PCDHGA3: variants seen among roughly 807,000 people sequenced by gnomAD.
The protein encoded by PCDHGA3 is protocadherin gamma subfamily A, 3, also known as protocadherin gamma-A3.
In PCDHGA3, 40 loss-of-function variants were observed where a neutral mutation model predicts 58.5. The ratio of observed to expected loss-of-function variants is 0.68; its 90% CI spans 0.53 to 0.89. The LOEUF (loss-of-function observed/expected upper bound fraction) is 0.89, where lower values mean the gene tolerates loss of function less well. Ranked by LOEUF, PCDHGA3 falls within the 40% of genes least tolerant of loss-of-function variation. The pLI is 0.00. For missense variants in PCDHGA3, 1,223 were observed against 1,195.9 expected, an observed-to-expected ratio of 1.02 and a Z score of -0.33; for synonymous variants, 530 against 525.7, an observed-to-expected ratio of 1.01 and a Z score of -0.11.
In PCDHGA3 at chr5:141,485,578, G is replaced by A; in HGVS notation, c.2425-9229G>A. ...ATGATCACGCCCCCCGTTTTCCGCG[G>A]CAGCAGCTGGACTTGGAAATTGGGG... is the stretch of plus-strand genomic sequence containing the variant. On this transcript the variant is annotated intron_variant, in intron 1 of 3. Transcript: ENST00000253812. This position sits in a 1 kb window ranked among gnomAD's most constrained non-coding sequence, Gnocchi z 5.7. 6.2e-7 allele frequency: 1 copy of A among 1,612,362 alleles called. No homozygotes were observed. Among genetic ancestry groups the A allele is most frequent in the Non-Finnish European group, 8.5e-7 (1 of 1,178,688 alleles).
At chr5:141,366,879 T>G (rs78336776) in intron 1 of PCDHGA3, 22 of 1,324,822 alleles carry the variant, frequency 1.7e-5, no homozygotes, top group Admixed American at 2.5e-5. Context: ...TGGAGATTAA[T>G]TTTTTTTATA....
intron 1 of PCDHGA3, chr5:141,384,751 G>T (rs1403362361): frequency 1.2e-6 from 2 of 1,614,050 alleles, no homozygotes; most frequent in East Asian, 4.5e-5. Flanking sequence ...AGGACTCTTT[G>T]CGGTTGGGCT....
rs547854431 is a variant in PCDHGA3, at chr5:141,476,383, C to A, written c.2425-18424C>A. 1.2e-6 allele frequency: 2 copies of A among 1,614,102 alleles called. No homozygotes were observed. Among genetic ancestry groups the A allele is most frequent in the African/African-American group, 1.3e-5 (1 of 75,014 alleles). On this transcript the variant is annotated intron_variant, in intron 1 of 3. Transcript: ENST00000253812. The surrounding 1 kb of genome is among the most constrained non-coding windows in gnomAD (Gnocchi z 7.6). ...GGGAGACCGGAGAGATGTTTGTGAA[C>A]GACCGTCTGGATCGAGAGGAGCTGT...
intron 1 of PCDHGA3, among the ~76,000 whole-genome samples, chr5:141,453,490 G>A (rs921556476): frequency 6.6e-6 from 1 of 151,922 alleles, no homozygotes; most frequent in Admixed American, 6.6e-5. Flanking sequence ...TTAAAAAAAG[G>A]TGTACTCAGA....
At chr5:141,407,961 A>C in intron 1 of PCDHGA3, 1 of 672,320 alleles carries the variant, frequency 1.5e-6, no homozygotes, top group Non-Finnish European at 2.4e-6. Context: ...AGTGCAGAGC[A>C]AGCGCTGACG....
rs1404226327 is a variant in PCDHGA3, at chr5:141,345,523, A to AG, written c.1495dup (p.Ala499GlyfsTer28). 1 of 1,614,090 alleles carries AG rather than the reference A, an allele frequency of 6.2e-7. No homozygotes were observed. The highest frequency in any genetic ancestry group is 8.5e-7 in the Non-Finnish European group (1 of 1,179,990). ...TATGCATTGACCGAGGACACTCTCC[A>AG]GGGGGCGCCCCTGTCCTCCTTCGTC... On this transcript the variant is annotated frameshift_variant, in exon 1 of 4. Coordinates refer to ENST00000253812, the MANE Select transcript of PCDHGA3 (RefSeq NM_018916.4). LOFTEE classifies it high-confidence loss of function.
chr5:141,420,269 A>G, intron 1 of PCDHGA3: 1 of 1,544,558 alleles, frequency 6.5e-7, no homozygotes, highest in Admixed American at 2.0e-5. Flanking sequence ...GAAGATTCTT[A>G]AACAGGTAAG....
At chr5:141,417,954 C>A (rs2096198021) in intron 1 of PCDHGA3, 3 of 1,613,600 alleles carry the variant, frequency 1.9e-6, no homozygotes, top group South Asian at 1.1e-5. Flanking sequence ...CTGTGTGAGC[C>A]GATCCGCTAC....
At chr5:141,437,035 C>T (rs991186972) in intron 1 of PCDHGA3, among the ~76,000 whole-genome samples, 1 of 152,120 alleles carries the variant, frequency 6.6e-6, no homozygotes, top group Non-Finnish European at 1.5e-5. Context: ...AATGGATCAC[C>T]GAAACCAGAA....
intron 1 of PCDHGA3, chr5:141,399,003 A>T: frequency 6.2e-7 from 1 of 1,613,966 alleles, no homozygotes; most frequent in Non-Finnish European, 8.5e-7. Context: ...GTCTGAATTC[A>T]AAGAGCGGAG....
chr5:141,422,467 G>A (rs1380910490), intron 1 of PCDHGA3: 1 of 1,613,664 alleles, frequency 6.2e-7, no homozygotes, highest in Non-Finnish European at 8.5e-7. Context: ...GCTGGACAGG[G>A]AGTTGGTCCA....
Position 141,478,294 on chromosome 5 carries a change from A to G in PCDHGA3, c.2425-16513A>G, listed in dbSNP as rs147994096. The G allele has an allele frequency of 3.6e-3, 5,805 of 1,614,110 alleles. 30 individuals are homozygous for G. Among genetic ancestry groups the G allele is most frequent in the Non-Finnish European group, 3.4e-3 (4,026 of 1,180,032 alleles). The stretch of plus-strand genomic sequence containing the variant: ...ACAAGTGGAAGCAGTCTAGAGACCT[A>G]TACCGAGCCCCGGTGAGCTCACTGT... On this transcript the variant is annotated intron_variant, in intron 1 of 3. Coordinates refer to ENST00000253812, the MANE Select transcript of PCDHGA3 (RefSeq NM_018916.4).
At position 141,477,550 on chromosome 5, in the gene PCDHGA3, C is replaced by T. The variant is rs1262360790; in HGVS notation, c.2425-17257C>T. The T allele has an allele frequency of 4.3e-6, 7 of 1,614,178 alleles. No homozygotes were observed. The highest frequency in any genetic ancestry group is 5.9e-6 in the Non-Finnish European group (7 of 1,180,036). On this transcript the variant is annotated intron_variant, in intron 1 of 3. Transcript: ENST00000253812. This position sits in a 1 kb window ranked among gnomAD's most constrained non-coding sequence, Gnocchi z 4.9. ...ACCTCCCCGGGGCTCCAATACTAAACCTAAGTGTCTGGGACCCCGACGCCC... is the reference window on the plus strand; with the variant it reads ...ACCTCCCCGGGGCTCCAATACTAAATCTAAGTGTCTGGGACCCCGACGCCC...
intron 1 of PCDHGA3, chr5:141,384,675 G>A: frequency 6.2e-7 from 1 of 1,614,216 alleles, no homozygotes; most frequent in Non-Finnish European, 8.5e-7. Flanking sequence ...CCAAGGTGGT[G>A]GCGGTGGACA....
intron 1 of PCDHGA3, chr5:141,361,290 A>G: frequency 6.2e-7 from 1 of 1,614,038 alleles, no homozygotes; most frequent in East Asian, 2.2e-5. Flanking sequence ...TTTACTGCCA[A>G]GTGTTGGGAA....
intron 1 of PCDHGA3, chr5:141,393,983 A>T: frequency 1.9e-6 from 3 of 1,613,710 alleles, no homozygotes; most frequent in Non-Finnish European, 2.5e-6. Context: ...GTGATAATTT[A>T]CCTTTTAAAT....
rs934366037 is a variant in PCDHGA3, at chr5:141,408,906, C to T, written c.2424+62449C>T. On this transcript the variant is annotated intron_variant, in intron 1 of 3. Transcript: ENST00000253812. Reference sequence around the variant, plus strand: ...CACATAGAAATTTCTGTCAAGGATACCAATGATAACCCCCCGGTTTTCAGC... The same window carrying T: ...CACATAGAAATTTCTGTCAAGGATATCAATGATAACCCCCCGGTTTTCAGC... 2.5e-6 allele frequency: 4 copies of T among 1,613,136 alleles called. No homozygotes were observed. The African/African-American group carries it at 4.0e-5, about 16-fold the overall frequency.
chr5:141,464,970 G>A (rs550643230), intron 1 of PCDHGA3, among the ~76,000 whole-genome samples: 1 of 152,028 alleles, frequency 6.6e-6, no homozygotes, highest in East Asian at 1.9e-4. Flanking sequence ...TTGAACTACT[G>A]GCTTCAAGTG....
intron 1 of PCDHGA3, chr5:141,384,201 G>A (rs369190060): frequency 3.7e-6 from 6 of 1,613,802 alleles, no homozygotes; most frequent in Admixed American, 1.7e-5. Flanking sequence ...CCTTGTCCAG[G>A]GAAACTCACA....
Sources: allele counts gnomAD v4.1 joint callset (sites outside exome capture counted in the v4.1 genomes callset), GRCh38; gene constraint gnomAD v4.1.1; non-coding constraint Gnocchi (gnomAD v3.1); transcripts MANE v1.5; gene names NCBI Gene and HGNC (gene_info 2026-07-23, HGNC 2026-07-21).